The following HS6ST3 variants were observed in gnomAD, a reference collection of about 807,000 sequenced individuals.
HS6ST3 encodes heparan-sulfate 6-O-sulfotransferase 3.
Under a neutral mutation model 36.7 loss-of-function variants are expected in HS6ST3, and 12 were observed. That is an observed-to-expected ratio of 0.33 (90% CI 0.21 to 0.53). The LOEUF is 0.53. Among genes scored for constraint, HS6ST3 ranks in the 20% least tolerant of loss-of-function variants. HS6ST3 has a pLI of 0.95. For synonymous variants in HS6ST3, 240 were observed against 257.5 expected (o/e 0.93, Z 0.65); for missense variants, 584 against 640.9 (o/e 0.91, Z 0.96).
At chr13:96,114,286 G>T (rs1300100859) in intron 1 of HS6ST3, among the ~76,000 whole-genome samples, 1 of 151,936 alleles carries the variant, frequency 6.6e-6, no homozygotes, top group Non-Finnish European at 1.5e-5. Context: ...TGAGTAGCTT[G>T]GGCTACAAGG....
At chr13:96,753,504 T>G (rs1384981949) in intron 1 of HS6ST3, among the ~76,000 whole-genome samples, 1 of 152,176 alleles carries the variant, frequency 6.6e-6, no homozygotes, top group East Asian at 1.9e-4. Flanking sequence ...TAACTATACT[T>G]TCTTTATTGT....
chr13:96,195,372 A>G (rs929467585), intron 1 of HS6ST3, among the ~76,000 whole-genome samples: 1 of 152,160 alleles, frequency 6.6e-6, no homozygotes, highest in Non-Finnish European at 1.5e-5. Flanking sequence ...GACGGTTTTT[A>G]AAAAAACACT....
chr13:96,403,067 T>G (rs1268355549), intron 1 of HS6ST3, among the ~76,000 whole-genome samples: 2 of 152,210 alleles, frequency 1.3e-5, no homozygotes, highest in Admixed American at 1.3e-4. Context: ...TCCCCGTCTT[T>G]GTAACTTTTG....
At chr13:96,538,204 T>C (rs2056163628) in intron 1 of HS6ST3, among the ~76,000 whole-genome samples, 1 of 152,230 alleles carries the variant, frequency 6.6e-6, no homozygotes, top group South Asian at 2.1e-4. Context: ...AAATAAATAA[T>C]GTGATTCATG....
chr13:96,485,806 C>G (rs1418005456), intron 1 of HS6ST3, among the ~76,000 whole-genome samples: 1 of 152,070 alleles, frequency 6.6e-6, no homozygotes, highest in African/African-American at 2.4e-5. Context: ...TTGTTTTGGT[C>G]TAGCTCATGT....
At chr13:96,821,972 T>G (rs2138542645) in intron 1 of HS6ST3, among the ~76,000 whole-genome samples, 1 of 152,358 alleles carries the variant, frequency 6.6e-6, no homozygotes, top group Middle Eastern at 3.4e-3. Flanking sequence ...TTTACTTCTT[T>G]TCCTGTCCAA....
intron 1 of HS6ST3, among the ~76,000 whole-genome samples, chr13:96,465,842 T>C (rs190714685): frequency 1.8e-4 from 27 of 152,348 alleles, no homozygotes; most frequent in African/African-American, 6.3e-4. Context: ...CAACACTCTC[T>C]ATGAGCCATA....
chr13:96,724,338 A>G (rs1594845439), intron 1 of HS6ST3, among the ~76,000 whole-genome samples: 1 of 152,206 alleles, frequency 6.6e-6, no homozygotes, highest in African/African-American at 2.4e-5. Context: ...TTATAGCTCT[A>G]ACTTTTTAAG....
chr13:96,581,658 A>G (rs1253290363), intron 1 of HS6ST3, among the ~76,000 whole-genome samples: 2 of 152,202 alleles, frequency 1.3e-5, no homozygotes, highest in African/African-American at 4.8e-5. Context: ...GAATGTATGC[A>G]TGTTAGCTTT....
At chr13:96,457,155 G>C (rs982083002) in intron 1 of HS6ST3, among the ~76,000 whole-genome samples, 1 of 152,048 alleles carries the variant, frequency 6.6e-6, no homozygotes, top group Admixed American at 6.6e-5. Context: ...TTTTTACTCT[G>C]AAGTATATTT....
At chr13:96,462,906 G>C (rs1594785528) in intron 1 of HS6ST3, among the ~76,000 whole-genome samples, 1 of 152,154 alleles carries the variant, frequency 6.6e-6, no homozygotes, top group African/African-American at 2.4e-5. Flanking sequence ...CAAGAGTTTT[G>C]TAATAACCAT....
intron 1 of HS6ST3, among the ~76,000 whole-genome samples, chr13:96,679,000 A>G (rs1255082316): frequency 6.6e-6 from 1 of 151,658 alleles, no homozygotes; most frequent in Non-Finnish European, 1.5e-5. Flanking sequence ...CTGGGTGTGG[A>G]GATGATAGGA....
intron 1 of HS6ST3, among the ~76,000 whole-genome samples, chr13:96,372,788 CT>C (rs2055296148): frequency 6.6e-6 from 1 of 152,136 alleles, no homozygotes; most frequent in Admixed American, 6.6e-5. Flanking sequence ...TTCACAGATT[CT>C]TTTGCTTGAT....
At chr13:96,229,473 C>G (rs1350665620) in intron 1 of HS6ST3, among the ~76,000 whole-genome samples, 1 of 152,152 alleles carries the variant, frequency 6.6e-6, no homozygotes, top group Non-Finnish European at 1.5e-5. Flanking sequence ...CTTCCTGGCT[C>G]ACAGATAGCT....
rs116431253 is a variant in HS6ST3, at chr13:96,400,801, G to A, written c.707+309232G>A. On this transcript the variant is annotated intron_variant, in intron 1 of 1. Transcript: ENST00000376705. Reference sequence around the variant, plus strand: ...GCACAAAATTTGTTTCTTTCCTCACGTCTTAGTCGCTTTAACATCCTTCAG... The same window carrying A: ...GCACAAAATTTGTTTCTTTCCTCACATCTTAGTCGCTTTAACATCCTTCAG... 5.1e-3 allele frequency among the ~76,000 whole-genome samples: 769 copies of A among 152,144 alleles called. 9 individuals are homozygous for A. Among genetic ancestry groups the A allele is most frequent in the African/African-American group, 0.018 (737 of 41,502 alleles).
At chr13:96,777,707 A>T (rs868104860) in intron 1 of HS6ST3, among the ~76,000 whole-genome samples, 17 of 152,224 alleles carry the variant, frequency 1.1e-4, no homozygotes, top group African/African-American at 4.1e-4. Context: ...TTCCATGTTC[A>T]TGGATAGGAA....
intron 1 of HS6ST3, among the ~76,000 whole-genome samples, chr13:96,436,960 G>C (rs1332232856): frequency 8.5e-6 from 1 of 117,458 alleles, no homozygotes; most frequent in Non-Finnish European, 1.7e-5. Flanking sequence ...CAGAAAAAGG[G>C]CCTCCATTTT....
At chr13:96,716,566 A>G (rs1299801596) in intron 1 of HS6ST3, among the ~76,000 whole-genome samples, 1 of 152,130 alleles carries the variant, frequency 6.6e-6, no homozygotes, top group African/African-American at 2.4e-5. Context: ...ATATTTGTCT[A>G]TCATCTATTT....
At chr13:96,099,867 A>C (rs2139294217) in intron 1 of HS6ST3, among the ~76,000 whole-genome samples, 1 of 152,316 alleles carries the variant, frequency 6.6e-6, no homozygotes, top group South Asian at 2.1e-4. Flanking sequence ...GGACTCTAGG[A>C]ATGTGTAGAA....
Sources: gnomAD v4.1 joint callset for allele counts (sites outside exome capture counted in the v4.1 genomes callset) on GRCh38, gnomAD v4.1.1 for gene constraint, MANE v1.5 for transcripts, NCBI Gene and HGNC (gene_info 2026-07-23, HGNC 2026-07-21) for gene names.